The following FILIP1L variants were observed in gnomAD, a reference collection of about 807,000 sequenced individuals.
FILIP1L encodes filamin A interacting protein 1 like, also known as filamin A-interacting protein 1-like.
A neutral mutation model predicts 96.6 loss-of-function variants in FILIP1L; 55 were observed. The ratio of observed to expected loss-of-function variants is 0.57; its 90% CI spans 0.46 to 0.71. The LOEUF is 0.71. FILIP1L is among the 30% of genes least tolerant of loss of function. The pLI is 0.00. For missense variants in FILIP1L, 1,304 were observed against 1,321.2 expected, an observed-to-expected ratio of 0.99 and a Z score of 0.20; for synonymous variants, 467 against 473.9, an observed-to-expected ratio of 0.99 and a Z score of 0.19.
intron 1 of FILIP1L, among the ~76,000 whole-genome samples, chr3:100,096,386 T>C (rs62285476): frequency 0.066 from 10,063 of 152,116 alleles, 399 homozygotes; most frequent in Middle Eastern, 0.086. Flanking sequence ...GATGAATGGA[T>C]AAAGAAAATG....
At chr3:100,012,856 T>G (rs949958989) in intron 1 of FILIP1L, among the ~76,000 whole-genome samples, 5 of 151,178 alleles carry the variant, frequency 3.3e-5, no homozygotes, top group African/African-American at 9.7e-5. Context: ...TCACTGCAGC[T>G]TCCACCTCCC....
chr3:100,083,789 G>T (rs1025805493), intron 1 of FILIP1L, among the ~76,000 whole-genome samples: 3 of 152,070 alleles, frequency 2.0e-5, no homozygotes, highest in African/African-American at 7.2e-5. Flanking sequence ...TGCCCAGGCT[G>T]GTTTCAAACT....
chr3:99,833,216 A>G (rs764101832), intron 5 of FILIP1L: 1 of 1,609,264 alleles, frequency 6.2e-7, no homozygotes, highest in Non-Finnish European at 8.5e-7. Context: ...ATGCCTTAAA[A>G]GTCTGAAGGA....
chr3:99,860,345 T>C (rs182730067), intron 4 of FILIP1L, among the ~76,000 whole-genome samples: 168 of 152,228 alleles, frequency 1.1e-3, no homozygotes, highest in African/African-American at 3.9e-3. Context: ...AAGATGGAAA[T>C]AGTCAAATGA....
rs1240438061 is a variant in FILIP1L, at chr3:99,848,783, C to G, written c.2893G>C (p.Asp965His). The change falls in exon 5 of 6, where the codon GAC becomes CAC. Residue 965 changes from aspartate (D) to histidine (H), a missense_variant. By Grantham distance (81) the Asp-to-His change is moderately conservative (BLOSUM62 -1). Coordinates refer to ENST00000477258, the MANE Select transcript of FILIP1L (RefSeq NM_001387850.1). ...ATGCCTTGTTCTAAATTCATGAGGT[C>G]TTCGGTAGAGGTTTTGGACTTTACT... ...TPVKSKTSTE[D>H]LMNLEQGMSP... 1 of 1,614,008 alleles carries G rather than the reference C, an allele frequency of 6.2e-7. No individual in the cohort carries two copies. Among genetic ancestry groups the G allele is most frequent in the Admixed American group, 1.7e-5 (1 of 59,986 alleles).
At chr3:99,875,693 A>G (rs1705475602) in intron 4 of FILIP1L, among the ~76,000 whole-genome samples, 1 of 152,218 alleles carries the variant, frequency 6.6e-6, no homozygotes, top group Non-Finnish European at 1.5e-5. Flanking sequence ...CATGTAAGAC[A>G]AGCGAGTTTG....
At chr3:99,942,590 G>A (rs1333628378) in intron 1 of FILIP1L, among the ~76,000 whole-genome samples, 1 of 152,190 alleles carries the variant, frequency 6.6e-6, no homozygotes, top group East Asian at 1.9e-4. Flanking sequence ...CCAGCCCTTT[G>A]GGAGACCGAG....
chr3:99,840,756 CAA>C (rs1943098408), intron 5 of FILIP1L, among the ~76,000 whole-genome samples: 1 of 152,174 alleles, frequency 6.6e-6, no homozygotes, highest in Non-Finnish European at 1.5e-5. Flanking sequence ...TCACCAAGTT[CAA>C]TTCGCTTATT....
chr3:99,953,679 T>C (rs1708242321), intron 1 of FILIP1L, among the ~76,000 whole-genome samples: 2 of 152,238 alleles, frequency 1.3e-5, no homozygotes, highest in African/African-American at 4.8e-5. Context: ...TTTGAAACAC[T>C]GATTACTTGT....
intron 1 of FILIP1L, among the ~76,000 whole-genome samples, chr3:100,031,621 C>A (rs977256666): frequency 2.0e-5 from 3 of 151,342 alleles, no homozygotes; most frequent in African/African-American, 7.3e-5. Flanking sequence ...CTCCTGTGTT[C>A]TTTTTTTTTA....
At chr3:100,009,660 G>A (rs1710087501) in intron 1 of FILIP1L, among the ~76,000 whole-genome samples, 1 of 152,164 alleles carries the variant, frequency 6.6e-6, no homozygotes. Flanking sequence ...AGTGTTAAGG[G>A]GAAAGAAAGT....
At chr3:99,901,730 G>A (rs1706444344) in intron 4 of FILIP1L, among the ~76,000 whole-genome samples, 1 of 152,262 alleles carries the variant, frequency 6.6e-6, no homozygotes, top group East Asian at 1.9e-4. Context: ...ACTCTGGACG[G>A]GATGTAAGTA....
intron 1 of FILIP1L, among the ~76,000 whole-genome samples, chr3:100,008,218 T>G (rs1035621662): frequency 6.6e-6 from 1 of 152,102 alleles, no homozygotes; most frequent in Non-Finnish European, 1.5e-5. Context: ...AACTTTAAGG[T>G]CATTCCTGAT....
chr3:99,851,047 T>C lies in FILIP1L; in HGVS notation c.629A>G (p.Glu210Gly). The change falls in exon 5 of 6, where the codon GAA becomes GGA. Residue 210 changes from glutamate (E) to glycine (G), a missense_variant. Physicochemically the swap from Glu to Gly is moderately conservative, Grantham distance 98. Transcript: ENST00000477258. The part of the protein sequence containing the change: ...CERLKKLIDQ[E>G]IKSQEEKEQE... Reference sequence around the variant, plus strand: ...CTCCTTCTCCTCCTGAGACTTGATTTCTTGATCAATTAGCTTCTTTAATCT... The same window carrying C: ...CTCCTTCTCCTCCTGAGACTTGATTCCTTGATCAATTAGCTTCTTTAATCT... 1 of 1,593,614 alleles carries C rather than the reference T, an allele frequency of 6.3e-7. No homozygotes were observed. The highest frequency in any genetic ancestry group is 8.5e-7 in the Non-Finnish European group (1 of 1,174,226).
chr3:100,091,060 C>T (rs2066096264), intron 1 of FILIP1L, among the ~76,000 whole-genome samples: 1 of 152,012 alleles, frequency 6.6e-6, no homozygotes, highest in Non-Finnish European at 1.5e-5. Flanking sequence ...CCGAGGTGGG[C>T]GGATCACGAG....
chr3:99,915,703 C>T (rs75115126), intron 4 of FILIP1L, among the ~76,000 whole-genome samples: 1 of 151,892 alleles, frequency 6.6e-6, no homozygotes, highest in Non-Finnish European at 1.5e-5. Flanking sequence ...TTAGGACATT[C>T]AGCAATTCTC....
chr3:99,925,160 T>C (rs1707251621), intron 3 of FILIP1L, among the ~76,000 whole-genome samples: 1 of 152,232 alleles, frequency 6.6e-6, no homozygotes, highest in Admixed American at 6.5e-5. Flanking sequence ...GGACATGCTA[T>C]GATTTTCATT....
At chr3:99,981,482 A>C (rs530101197) in intron 1 of FILIP1L, among the ~76,000 whole-genome samples, 1 of 152,284 alleles carries the variant, frequency 6.6e-6, no homozygotes, top group South Asian at 2.1e-4. Context: ...ACTCACAATG[A>C]TACATGATAA....
At chr3:100,037,833 T>TA (rs2065133094) in intron 1 of FILIP1L, among the ~76,000 whole-genome samples, 1 of 152,088 alleles carries the variant, frequency 6.6e-6, no homozygotes, top group African/African-American at 2.4e-5. Context: ...TTAAGACCTT[T>TA]AAAAAACTAA....
Sources: allele counts gnomAD v4.1 joint callset (sites outside exome capture counted in the v4.1 genomes callset), GRCh38; gene constraint gnomAD v4.1.1; transcripts MANE v1.5; gene names NCBI Gene and HGNC (gene_info 2026-07-23, HGNC 2026-07-21).